The following FHIT variants were observed in gnomAD, a reference collection of about 807,000 sequenced individuals.
FHIT encodes bis(5'-adenosyl)-triphosphatase.
In FHIT, 19 loss-of-function variants were observed where a neutral mutation model predicts 17.9. The observed-to-expected ratio is 1.06, with a 90% CI of 0.74 to 1.56. FHIT has a LOEUF of 1.56. Ranked by LOEUF, FHIT falls within the 40% of genes most tolerant of loss-of-function variation. The pLI is 0.00. For missense variants in FHIT, 248 were observed against 189.2 expected, an observed-to-expected ratio of 1.31 and a Z score of -1.82; for synonymous variants, 81 against 69.7, an observed-to-expected ratio of 1.16 and a Z score of -0.81.
chr3:60,884,640 C>T (rs1471992985), intron 3 of FHIT, among the ~76,000 whole-genome samples: 1 of 151,960 alleles, frequency 6.6e-6, no homozygotes, highest in Non-Finnish European at 1.5e-5. Context: ...AAGCCCAACA[C>T]AGACAAATAT....
At chr3:60,927,807 T>G (rs1436459493) in intron 3 of FHIT, among the ~76,000 whole-genome samples, 2 of 152,226 alleles carry the variant, frequency 1.3e-5, no homozygotes, top group South Asian at 2.1e-4. Flanking sequence ...ATCTGGGAGG[T>G]GTACCCACCA....
chr3:60,823,318 G>GA lies in FHIT; in HGVS notation c.-110-1308dup, dbSNP rs782813814. Among the ~76,000 whole-genome samples, 12 of 152,150 alleles carry GA rather than the reference G, an allele frequency of 7.9e-5. 1 individual carries two copies. In the South Asian group the frequency reaches 1.7e-3, roughly 21 times the overall value. The stretch of plus-strand genomic sequence containing the variant: ...TGTTCCCCCAACCCCTCCCCATCAG[G>GA]AAAAAAGATATGTTGAAGTCCTAAC... On this transcript the variant is annotated intron_variant, in intron 3 of 9. Coordinates refer to ENST00000492590, the MANE Select transcript of FHIT (RefSeq NM_002012.4).
chr3:60,514,990 A>G (rs184575204), intron 5 of FHIT, among the ~76,000 whole-genome samples: 1 of 151,816 alleles, frequency 6.6e-6, no homozygotes, highest in Non-Finnish European at 1.5e-5. Flanking sequence ...ACCTTACTAG[A>G]TAAAATGCAG....
chr3:60,322,445 C>T (rs989763095), intron 5 of FHIT, among the ~76,000 whole-genome samples: 13 of 152,138 alleles, frequency 8.5e-5, no homozygotes, highest in South Asian at 2.1e-4. Context: ...ACTTTTTGAC[C>T]TTGGAGGCCA....
At chr3:60,864,451 G>T (rs1025687925) in intron 3 of FHIT, among the ~76,000 whole-genome samples, 1 of 152,190 alleles carries the variant, frequency 6.6e-6, no homozygotes, top group Non-Finnish European at 1.5e-5. Context: ...GCAGAAGGGT[G>T]AGGAGGCCTC....
chr3:59,845,455 T>G (rs1025290085), intron 8 of FHIT, among the ~76,000 whole-genome samples: 1 of 152,152 alleles, frequency 6.6e-6, no homozygotes, highest in Non-Finnish European at 1.5e-5. Context: ...TACTTCCATA[T>G]GTTTGGATAT....
At chr3:61,105,234 G>C (rs938946363) in intron 2 of FHIT, among the ~76,000 whole-genome samples, 5 of 132,498 alleles carry the variant, frequency 3.8e-5, no homozygotes, top group African/African-American at 7.4e-5. Context: ...CTGACCTTTG[G>C]ATGCTTTTTT....
chr3:60,033,980 C>T (rs1701107387), intron 5 of FHIT, among the ~76,000 whole-genome samples: 1 of 152,144 alleles, frequency 6.6e-6, no homozygotes, highest in Non-Finnish European at 1.5e-5. Context: ...TGAAAATACA[C>T]CGTCTCGTGA....
intron 4 of FHIT, among the ~76,000 whole-genome samples, chr3:60,664,400 T>C (rs1553691936): frequency 2.0e-5 from 3 of 152,058 alleles, no homozygotes; most frequent in Non-Finnish European, 4.4e-5. Context: ...AGTCAAAATT[T>C]ACAAAAGACA....
chr3:61,151,664 C>T (rs1049762254), intron 2 of FHIT, among the ~76,000 whole-genome samples: 2 of 151,442 alleles, frequency 1.3e-5, no homozygotes, highest in Non-Finnish European at 1.5e-5. Context: ...ACCTCTCCCT[C>T]CTGGGTTCAA....
At chr3:60,149,684 C>T (rs138836089) in intron 5 of FHIT, among the ~76,000 whole-genome samples, 138 of 152,116 alleles carry the variant, frequency 9.1e-4, no homozygotes, top group African/African-American at 3.2e-3. Flanking sequence ...TCATCTCCTC[C>T]TCTCAGTCTA....
chr3:60,345,313 T>C (rs555365319), intron 5 of FHIT, among the ~76,000 whole-genome samples: 3 of 152,284 alleles, frequency 2.0e-5, no homozygotes, highest in Non-Finnish European at 4.4e-5. Flanking sequence ...AACTCATCAA[T>C]TAGAGACAGC....
chr3:60,895,000 C>T (rs1233071350), intron 3 of FHIT, among the ~76,000 whole-genome samples: 13 of 152,172 alleles, frequency 8.5e-5, no homozygotes, highest in East Asian at 3.9e-4. Flanking sequence ...CTATCTTACA[C>T]GTAGTCCATA....
At chr3:60,201,002 A>T (rs1702876117) in intron 5 of FHIT, among the ~76,000 whole-genome samples, 1 of 152,146 alleles carries the variant, frequency 6.6e-6, no homozygotes, top group Non-Finnish European at 1.5e-5. Flanking sequence ...CTCCAACAGA[A>T]CTTACTAAAG....
In FHIT at chr3:61,110,413, G is replaced by A. The variant is rs374260480; in HGVS notation, c.-163-68314C>T. Among the ~76,000 whole-genome samples, 41 of 152,204 alleles carry A rather than the reference G, an allele frequency of 2.7e-4. 2 individuals carry two copies. The South Asian group carries it at 8.1e-3, about 30-fold the overall frequency. ...CTGCTAGATCACTTGATCTAAGGCA[G>A]CACACAAGCCAGCCCCCACCTCCAC... On this transcript the variant is annotated intron_variant, in intron 2 of 9. Transcript: ENST00000492590.
chr3:59,818,330 T>C (rs1230461627), intron 8 of FHIT, among the ~76,000 whole-genome samples: 1 of 151,954 alleles, frequency 6.6e-6, no homozygotes, highest in Non-Finnish European at 1.5e-5. Flanking sequence ...GTGCAAGGTT[T>C]GGGAATGGAA....
rs370673995 is a variant in FHIT, at chr3:60,958,083, C to T, written c.-111+83964G>A. On this transcript the variant is annotated intron_variant, in intron 3 of 9. Coordinates refer to ENST00000492590, the MANE Select transcript of FHIT (RefSeq NM_002012.4). ...AAATCTTTTACTCAGAAAAGAACTA[C>T]ACATATCACTCTGAATTACTACAGA... Among the ~76,000 whole-genome samples, 24 of 152,344 alleles carry T rather than the reference C, an allele frequency of 1.6e-4. 1 individual carries two copies. In the South Asian group the frequency reaches 5.0e-3, roughly 32 times the overall value.
At chr3:59,851,170 G>T (rs1701916799) in intron 8 of FHIT, among the ~76,000 whole-genome samples, 1 of 148,460 alleles carries the variant, frequency 6.7e-6, no homozygotes, top group Admixed American at 6.8e-5. Context: ...CTCATATGAG[G>T]AATCTAAAGT....
intron 2 of FHIT, among the ~76,000 whole-genome samples, chr3:61,090,009 A>T (rs887897517): frequency 1.3e-5 from 2 of 152,236 alleles, no homozygotes; most frequent in Non-Finnish European, 2.9e-5. Flanking sequence ...ATGCCAATAC[A>T]TGATGAAGTT....
Sources: gnomAD v4.1 joint callset for allele counts (sites outside exome capture counted in the v4.1 genomes callset) on GRCh38, gnomAD v4.1.1 for gene constraint, MANE v1.5 for transcripts, NCBI Gene and HGNC (gene_info 2026-07-23, HGNC 2026-07-21) for gene names.